PITPNA: variants seen among roughly 807,000 people sequenced by gnomAD.
PITPNA encodes the protein phosphatidylinositol transfer protein alpha isoform.
PITPNA carries 13 observed loss-of-function variants against 50.3 expected under a neutral mutation model. The observed-to-expected ratio is 0.26, with a 90% CI of 0.17 to 0.41. The LOEUF is 0.41. PITPNA is among the 10% of genes least tolerant of loss of function. PITPNA has a pLI of 1.00. For synonymous variants in PITPNA, 120 were observed against 119.6 expected (o/e 1.00, Z -0.02); for missense variants, 207 against 333.4 (o/e 0.62, Z 2.95).
At chr17:1,557,588 G>A (rs1010626531) in intron 2 of PITPNA, among the ~76,000 whole-genome samples, 1 of 152,198 alleles carries the variant, frequency 6.6e-6, no homozygotes, top group African/African-American at 2.4e-5. Flanking sequence ...GAAAGAGTGA[G>A]ACAAGGGAGG....
At chr17:1,557,833 G>C (rs1438209579) in intron 2 of PITPNA, among the ~76,000 whole-genome samples, 3 of 152,202 alleles carry the variant, frequency 2.0e-5, no homozygotes, top group Non-Finnish European at 2.9e-5. Flanking sequence ...AGAGCCTCAA[G>C]AGATTTCCTG....
chr17:1,553,931 C>T (rs1034486568), intron 2 of PITPNA, among the ~76,000 whole-genome samples: 1 of 152,228 alleles, frequency 6.6e-6, no homozygotes, highest in Admixed American at 6.5e-5. Context: ...ATTACAGATT[C>T]CTGCCCCACA....
chr17:1,531,456 G>A (rs981351250), intron 10 of PITPNA, among the ~76,000 whole-genome samples: 13 of 152,146 alleles, frequency 8.5e-5, no homozygotes, highest in African/African-American at 3.1e-4. Context: ...CGTGAACCAG[G>A]GAGGTGGAGC....
At chr17:1,535,331 C>G in intron 8 of PITPNA, 39 bp from the exon 9 acceptor site, 1 of 1,536,776 alleles carries the variant, frequency 6.5e-7, no homozygotes, top group South Asian at 1.1e-5. Context: ...CAAGTAACAA[C>G]GGGCAGACCT....
chr17:1,543,097 C>A (rs118080062), intron 4 of PITPNA, 70 bp from the exon 5 acceptor site: 54,660 of 1,243,344 alleles, frequency 0.044, 2,256 homozygotes, highest in South Asian at 0.17. Flanking sequence ...ATCTGCCCCC[C>A]ACCCCCCACA....
intron 10 of PITPNA, among the ~76,000 whole-genome samples, chr17:1,533,482 T>A (rs1288262591): frequency 6.6e-6 from 1 of 152,124 alleles, no homozygotes; most frequent in Non-Finnish European, 1.5e-5. Flanking sequence ...AGTGAGTGCT[T>A]GAATGTTACT....
chr17:1,558,395 G>GA, intron 2 of PITPNA, 134 bp downstream of exon 2: 1 of 664,032 alleles, frequency 1.5e-6, no homozygotes. Flanking sequence ...GTGGCACCAC[G>GA]AAATTCACAT....
intron 10 of PITPNA, among the ~76,000 whole-genome samples, chr17:1,533,141 G>C (rs1198315026): frequency 6.6e-6 from 1 of 152,176 alleles, no homozygotes; most frequent in East Asian, 1.9e-4. Context: ...ACCCCACCTG[G>C]GGCAAGGAGG....
At chr17:1,527,354 C>T (rs2075553720) in intron 10 of PITPNA, among the ~76,000 whole-genome samples, 1 of 152,168 alleles carries the variant, frequency 6.6e-6, no homozygotes, top group Non-Finnish European at 1.5e-5. Flanking sequence ...AGTGATTCTC[C>T]TGCCTCAGCC....
chr17:1,553,748 A>C (rs922780136), intron 2 of PITPNA, among the ~76,000 whole-genome samples: 1 of 152,220 alleles, frequency 6.6e-6, no homozygotes, highest in Non-Finnish European at 1.5e-5. Context: ...AAAGGTGCTC[A>C]GCGCTCTGTG....
Position 1,562,731 on chromosome 17 carries a change from G to A in PITPNA, c.-171C>T, listed in dbSNP as rs2075774944. On this transcript the variant is annotated 5_prime_UTR_variant, in exon 1 of 12. Transcript: ENST00000313486. This position sits in a 1 kb window ranked among gnomAD's most constrained non-coding sequence, Gnocchi z 6.4. ...CGCCGCGCCGGCTCCTGCCGCCCGGGCCTCGTCGCCTCTCGCGCCGCTGCC... is the reference window on the plus strand; with the variant it reads ...CGCCGCGCCGGCTCCTGCCGCCCGGACCTCGTCGCCTCTCGCGCCGCTGCC... The A allele has an allele frequency of 4.4e-6, 1 of 229,200 alleles. No homozygotes were observed. The highest frequency in any genetic ancestry group is 2.3e-5 in the African/African-American group (1 of 42,632). The allele number at this position is 229,200 out of a possible 1,614,324, so 14.2% of individuals were successfully genotyped here. A position where few individuals can be genotyped will look rare whatever the true frequency, so the allele number is the denominator to read the frequency against.
intron 10 of PITPNA, among the ~76,000 whole-genome samples, chr17:1,524,213 T>G (rs1181644751): frequency 1.3e-5 from 2 of 151,212 alleles, no homozygotes; most frequent in African/African-American, 2.4e-5. Flanking sequence ...CCCGGCTAAT[T>G]TTTTGTGTTT....
rs147610216 is a variant in PITPNA, at chr17:1,547,100, C to T, written c.289+1196G>A. 7.1e-3 allele frequency among the ~76,000 whole-genome samples: 1,068 copies of T among 151,392 alleles called. 12 individuals are homozygous for T. Among genetic ancestry groups the T allele is most frequent in the African/African-American group, 0.024 (992 of 41,214 alleles). ...TTAGGCCAGGCACAGTGGCTCATGC[C>T]TGTAATGCCAGCACTTTGGGAGGCC... On this transcript the variant is annotated intron_variant, in intron 4 of 11. Coordinates refer to ENST00000313486, the MANE Select transcript of PITPNA (RefSeq NM_006224.4).
chr17:1,523,677 T>G (rs1189987804), intron 10 of PITPNA, among the ~76,000 whole-genome samples: 1 of 151,948 alleles, frequency 6.6e-6, no homozygotes, highest in Admixed American at 6.6e-5. Flanking sequence ...CTGGCTAATT[T>G]TTTTTTGTAT....
rs376714517 is a variant in PITPNA at position 1,558,587 on chromosome 17, A to G, written c.21-28T>C. 1.2e-5 allele frequency: 19 copies of G among 1,571,646 alleles called. No homozygotes were observed. In the South Asian group the frequency reaches 2.1e-4, roughly 18 times the overall value. On this transcript the variant is annotated intron_variant, in intron 1 of 11. Coordinates refer to ENST00000313486, the MANE Select transcript of PITPNA (RefSeq NM_006224.4). ...ATAAGAAAGGGAAAAGAGAGTATCA[A>G]CTTTAGGCTGTGCAATCTGCTCAAG...
chr17:1,562,594 G>T lies in PITPNA; in HGVS notation c.-34C>A. On this transcript the variant is annotated 5_prime_UTR_variant, in exon 1 of 12. Coordinates refer to ENST00000313486, the MANE Select transcript of PITPNA (RefSeq NM_006224.4). This position sits in a 1 kb window ranked among gnomAD's most constrained non-coding sequence, Gnocchi z 6.4. Reference sequence around the variant, plus strand: ...GCGGCTCGGTGGCTGCCCGCGGCCCGCCCGGCCTCCCGCCCGCTGCCCGCC... The same window carrying T: ...GCGGCTCGGTGGCTGCCCGCGGCCCTCCCGGCCTCCCGCCCGCTGCCCGCC... The T allele has an allele frequency of 8.0e-7, 1 of 1,256,928 alleles. No individual in the cohort carries two copies. Among genetic ancestry groups the T allele is most frequent in the South Asian group, 2.7e-5 (1 of 36,496 alleles). 77.9% of individuals were successfully genotyped at this position (1,256,928 alleles called of 1,614,324 possible).
rs528994202 is a variant in PITPNA at position 1,535,910 on chromosome 17, G to A, written c.457-392C>T. ...GTGACTGAGAATATCTGCAGGTGAC[G>A]GCAGCACAGATTTGTTTTTTGTTTT... On this transcript the variant is annotated intron_variant, in intron 7 of 11. Coordinates refer to ENST00000313486, the MANE Select transcript of PITPNA (RefSeq NM_006224.4). 231 of 202,822 alleles carry A rather than the reference G, an allele frequency of 1.1e-3. 1 individual carries two copies. The highest frequency in any genetic ancestry group is 4.8e-3 in the African/African-American group (205 of 42,600). 12.6% of individuals were successfully genotyped at this position (202,822 alleles called of 1,614,324 possible).
intron 5 of PITPNA, among the ~76,000 whole-genome samples, chr17:1,541,998 G>A (rs959680656): frequency 5.9e-5 from 9 of 152,108 alleles, no homozygotes; most frequent in Non-Finnish European, 8.8e-5. Context: ...TCACAAGATC[G>A]AGACCAGTCT....
intron 2 of PITPNA, among the ~76,000 whole-genome samples, chr17:1,554,923 G>GC (rs1347202224): frequency 2.6e-5 from 4 of 152,128 alleles, no homozygotes; most frequent in Non-Finnish European, 5.9e-5. Context: ...CTGCCTCAAT[G>GC]CCCCCCTGGA....
Sources: allele counts gnomAD v4.1 joint callset (sites outside exome capture counted in the v4.1 genomes callset), GRCh38; gene constraint gnomAD v4.1.1; non-coding constraint Gnocchi (gnomAD v3.1); transcripts MANE v1.5; gene names NCBI Gene and HGNC (gene_info 2026-07-23, HGNC 2026-07-21).